Variants in CD86 observed in about 807,000 individuals in gnomAD.
CD86 encodes the protein CD86 molecule.
Under a neutral mutation model 32.1 loss-of-function variants are expected in CD86, and 11 were observed. The ratio of observed to expected loss-of-function variants is 0.34; its 90% confidence interval spans 0.22 to 0.57. CD86 has a LOEUF of 0.57. Among genes scored for constraint, CD86 ranks in the 20% least tolerant of loss-of-function variants. The pLI, the probability that CD86 is intolerant of heterozygous loss-of-function variation, is 0.86. For missense variants in CD86, 359 were observed against 398.4 expected (o/e 0.90, Z 0.84); for synonymous variants, 137 against 135.3 (o/e 1.01, Z -0.09).
chr3:122,061,238 T>G (rs1010382155), intron 1 of CD86, among the ~76,000 whole-genome samples: 3 of 152,118 alleles, frequency 2.0e-5, no homozygotes, highest in African/African-American at 7.2e-5. Flanking sequence ...ACCCCAATAT[T>G]ACAACTATTT....
chr3:122,095,730 C>T (rs569074405), intron 2 of CD86, among the ~76,000 whole-genome samples: 2 of 152,146 alleles, frequency 1.3e-5, no homozygotes, highest in South Asian at 2.1e-4. Flanking sequence ...TGTTAAGCCA[C>T]CATTTCAGTG....
At chr3:122,069,545 C>T (rs1331884042) in intron 1 of CD86, among the ~76,000 whole-genome samples, 1 of 152,124 alleles carries the variant, frequency 6.6e-6, no homozygotes, top group African/African-American at 2.4e-5. Context: ...GAGGGGTGCT[C>T]TGGATGTAGT....
chr3:122,055,652 A>G (rs1269613875), intron 1 of CD86, 149 bp downstream of exon 1: 2 of 724,380 alleles, frequency 2.8e-6, no homozygotes, highest in Non-Finnish European at 4.7e-6. Context: ...TTTGGCACAT[A>G]AAGGCAAGAA....
intron 1 of CD86, among the ~76,000 whole-genome samples, chr3:122,068,277 A>G (rs535332082): frequency 6.6e-6 from 1 of 152,266 alleles, no homozygotes; most frequent in African/African-American, 2.4e-5. Flanking sequence ...GCTTCCCTAA[A>G]TATTAAATAT....
At chr3:122,075,571 C>T (rs997820035) in intron 1 of CD86, among the ~76,000 whole-genome samples, 5 of 152,140 alleles carry the variant, frequency 3.3e-5, no homozygotes, top group African/African-American at 1.2e-4. Context: ...AGTAAGAAAG[C>T]ACAGGCTAGA....
intron 1 of CD86, among the ~76,000 whole-genome samples, chr3:122,060,631 T>A (rs369622988): frequency 5.3e-4 from 80 of 151,940 alleles, no homozygotes; most frequent in Non-Finnish European, 7.5e-4. Context: ...CCTAAAAAAA[T>A]TTTAATTTAA....
intron 1 of CD86, among the ~76,000 whole-genome samples, chr3:122,064,747 C>A (rs1035993627): frequency 2.6e-5 from 4 of 152,116 alleles, no homozygotes; most frequent in Admixed American, 2.6e-4. Context: ...TACCTCTGAC[C>A]TCTGTTAATG....
intron 1 of CD86, among the ~76,000 whole-genome samples, chr3:122,083,949 T>C (rs907326476): frequency 6.6e-6 from 1 of 152,200 alleles, no homozygotes; most frequent in Admixed American, 6.5e-5. Context: ...CTACTACAAG[T>C]TTTCAAATTA....
intron 1 of CD86, among the ~76,000 whole-genome samples, chr3:122,067,450 GGTATGAAAAT>G (rs1014243689): frequency 2.0e-5 from 3 of 152,190 alleles, no homozygotes; most frequent in African/African-American, 7.2e-5. Context: ...TAAAATCCAA[GGTATGAAAAT>G]GGCCTGGTCC....
At chr3:122,070,328 A>G (rs2072472407) in intron 1 of CD86, among the ~76,000 whole-genome samples, 1 of 152,172 alleles carries the variant, frequency 6.6e-6, no homozygotes, top group Non-Finnish European at 1.5e-5. Context: ...ATCATGAGAA[A>G]GTAAATAAAA....
At chr3:122,076,094 C>G (rs1465243262) in intron 1 of CD86, among the ~76,000 whole-genome samples, 1 of 152,144 alleles carries the variant, frequency 6.6e-6, no homozygotes, top group East Asian at 1.9e-4. Context: ...GTTATTTTTA[C>G]TGATCTGTTT....
rs200437316 is a variant in CD86, at chr3:122,106,221, G to T, written c.424G>T (p.Val142Leu). The T allele has an allele frequency of 3.0e-5, 49 of 1,607,918 alleles. No individual in the cohort carries two copies. The highest frequency in any genetic ancestry group is 3.8e-5 in the Non-Finnish European group (45 of 1,177,560). ...AGCTAACTTCAGTCAACCTGAAATA[G>T]TACCAATTTCTAATATAACAGAAAA... Reference protein sequence around the residue: ...VLANFSQPEIVPISNITENVY... With the variant: ...VLANFSQPEILPISNITENVY... The change falls in exon 4 of 7, where the codon GTA (valine) becomes TTA (leucine). Residue 142 changes from valine to leucine, a missense_variant. Val to Leu is a conservative substitution (Grantham distance 32, BLOSUM62 1). Coordinates refer to ENST00000330540, the MANE Select transcript of CD86 (RefSeq NM_175862.5).
intron 2 of CD86, among the ~76,000 whole-genome samples, chr3:122,092,352 A>G (rs889111615): frequency 6.6e-6 from 1 of 152,146 alleles, no homozygotes; most frequent in Non-Finnish European, 1.5e-5. Flanking sequence ...TAAAATTTGA[A>G]TAAGTAAGAT....
intron 1 of CD86, among the ~76,000 whole-genome samples, chr3:122,073,370 T>TTCTTTTA (rs919059236): frequency 6.6e-6 from 1 of 152,068 alleles, no homozygotes; most frequent in African/African-American, 2.4e-5. Flanking sequence ...GGGCTGTTTG[T>TTCTTTTA]TCTTTTATCT....
intron 5 of CD86, among the ~76,000 whole-genome samples, chr3:122,115,717 G>A (rs2073238881): frequency 9.7e-6 from 1 of 102,798 alleles, no homozygotes; most frequent in Admixed American, 1.3e-4. Flanking sequence ...TCCAGCCTGG[G>A]CAACAAGAGT....
rs2073337697 is a variant in CD86, at chr3:122,121,081, C to T, written c.*1547C>T. 6.6e-6 allele frequency: 1 copy of T among 152,344 alleles called. No homozygotes were observed. The highest frequency in any genetic ancestry group is 6.5e-5 in the Admixed American group (1 of 15,302). The allele number at this position is 152,344 out of a possible 1,614,324, so 9.4% of individuals were successfully genotyped here. On this transcript the variant is annotated 3_prime_UTR_variant, in exon 7 of 7. Transcript: ENST00000330540. ...CCTTGATTAGACTCCTAGCACCTGG[C>T]TAGTTTCTAACATGTTTTGTGCAGC...
chr3:122,097,182 T>C (rs1410558301), intron 2 of CD86, among the ~76,000 whole-genome samples: 2 of 152,210 alleles, frequency 1.3e-5, no homozygotes, highest in Non-Finnish European at 2.9e-5. Context: ...AGGTTTAAAT[T>C]GCATTTCCCT....
At chr3:122,083,308 C>T (rs546032771) in intron 1 of CD86, among the ~76,000 whole-genome samples, 1 of 152,316 alleles carries the variant, frequency 6.6e-6, no homozygotes, top group East Asian at 1.9e-4. Flanking sequence ...ACCAATAACA[C>T]ACGTGTGATC....
In CD86 at chr3:122,091,616, T is replaced by G. The variant is rs1264822565; in HGVS notation, c.30T>G (p.Ser10Arg). 1.2e-6 allele frequency: 2 copies of G among 1,612,648 alleles called. No individual in the cohort carries two copies. The highest frequency in any genetic ancestry group is 4.5e-5 in the East Asian group (2 of 44,846). Residue 10 changes from serine to arginine, a missense_variant, in exon 2 of 7, where the codon AGT (serine) becomes AGG (arginine). Ser to Arg is a moderately radical substitution (Grantham distance 110). Transcript: ENST00000330540. MDPQCTMGLSNILFVMAFLL... is the reference protein window; with the variant it reads MDPQCTMGLRNILFVMAFLL... ...TCGACTCTAGCACTATGGGACTGAG[T>G]AACATTCTCTTTGTGATGGCCTTCC... is the stretch of plus-strand genomic sequence containing the variant.
Sources: allele counts gnomAD v4.1 joint callset (sites outside exome capture counted in the v4.1 genomes callset), GRCh38; gene constraint gnomAD v4.1.1; transcripts MANE v1.5; gene names NCBI Gene and HGNC (gene_info 2026-07-23, HGNC 2026-07-21).